DLG2: variants seen among roughly 807,000 people sequenced by gnomAD.
DLG2 encodes discs large MAGUK scaffold protein 2.
DLG2 carries 45 observed loss-of-function variants against 132.5 expected under a neutral mutation model. That is an observed-to-expected ratio of 0.34 (90% CI 0.27 to 0.44). DLG2 has a LOEUF of 0.44. Ranked by LOEUF, DLG2 falls within the 20% of genes least tolerant of loss-of-function variation. The pLI, the probability that DLG2 is intolerant of heterozygous loss-of-function variation, is 1.00. For missense variants in DLG2, 1,045 were observed against 1,196.9 expected (o/e 0.87, Z 1.87); for synonymous variants, 424 against 419.6 (o/e 1.01, Z -0.13).
chr11:84,660,707 A>G (rs1229098731), intron 6 of DLG2, among the ~76,000 whole-genome samples: 2 of 152,188 alleles, frequency 1.3e-5, no homozygotes, highest in Non-Finnish European at 2.9e-5. Flanking sequence ...TTCATATGAA[A>G]GCCATTTCAT....
chr11:84,632,697 T>C (rs916665748), intron 6 of DLG2, among the ~76,000 whole-genome samples: 1 of 152,208 alleles, frequency 6.6e-6, no homozygotes, highest in Non-Finnish European at 1.5e-5. Context: ...AAGCCATCCC[T>C]GAAGGTAAAT....
At chr11:84,071,237 G>A (rs2096751782) in intron 10 of DLG2, among the ~76,000 whole-genome samples, 1 of 151,874 alleles carries the variant, frequency 6.6e-6, no homozygotes, top group Non-Finnish European at 1.5e-5. Context: ...AACTACGAGT[G>A]CACACCATCA....
chr11:83,665,838 A>G (rs1339361773), intron 18 of DLG2, among the ~76,000 whole-genome samples: 3 of 152,072 alleles, frequency 2.0e-5, no homozygotes, highest in Non-Finnish European at 4.4e-5. Flanking sequence ...TAGGAGCATG[A>G]GATTGGAATT....
chr11:84,983,991 T>A (rs1238590257), intron 6 of DLG2, among the ~76,000 whole-genome samples: 1 of 152,176 alleles, frequency 6.6e-6, no homozygotes, highest in Non-Finnish European at 1.5e-5. Context: ...AGTCTAGGAT[T>A]ATGTTAAGTC....
At chr11:85,488,161 T>C (rs1324529256) in intron 3 of DLG2, among the ~76,000 whole-genome samples, 2 of 152,146 alleles carry the variant, frequency 1.3e-5, no homozygotes, top group Non-Finnish European at 2.9e-5. Context: ...GAGGCTGAAG[T>C]GGGCGGATCA....
chr11:84,962,208 A>T (rs1236719486), intron 6 of DLG2, among the ~76,000 whole-genome samples: 1 of 152,262 alleles, frequency 6.6e-6, no homozygotes, highest in Admixed American at 6.5e-5. Context: ...TCTCATAGAA[A>T]AGAAAACTGA....
intron 3 of DLG2, among the ~76,000 whole-genome samples, chr11:85,515,079 G>C (rs1263776065): frequency 6.6e-6 from 1 of 151,838 alleles, no homozygotes; most frequent in Non-Finnish European, 1.5e-5. Flanking sequence ...TGGATGGTAT[G>C]GCTGTAGTCA....
chr11:84,231,731 T>G (rs909604545), intron 8 of DLG2, among the ~76,000 whole-genome samples: 1 of 152,078 alleles, frequency 6.6e-6, no homozygotes, highest in Admixed American at 6.6e-5. Flanking sequence ...TTTCAGGTAG[T>G]TAAAAGATGG....
chr11:84,530,699 G>A (rs575908458), intron 7 of DLG2, among the ~76,000 whole-genome samples: 5 of 152,308 alleles, frequency 3.3e-5, no homozygotes, highest in African/African-American at 1.2e-4. Flanking sequence ...TTCAGCTATT[G>A]TGGAAAGCAG....
At chr11:84,036,354 G>A (rs533361126) in intron 11 of DLG2, among the ~76,000 whole-genome samples, 28 of 152,222 alleles carry the variant, frequency 1.8e-4, no homozygotes, top group African/African-American at 6.0e-4. Flanking sequence ...TCATGAAAAT[G>A]AAATGTTGTT....
intron 6 of DLG2, among the ~76,000 whole-genome samples, chr11:84,703,895 T>TACAC (rs2059500991): frequency 7.2e-6 from 1 of 139,668 alleles, no homozygotes; most frequent in African/African-American, 2.8e-5. Flanking sequence ...CACGTGTGTG[T>TACAC]GTGTGTGTGT....
chr11:83,571,550 CTA>C (rs1235316736), intron 19 of DLG2, among the ~76,000 whole-genome samples: 1 of 145,526 alleles, frequency 6.9e-6, no homozygotes, highest in African/African-American at 2.6e-5. Flanking sequence ...TAAATAATGA[CTA>C]TGCAAATAAA....
rs762434193 is a variant in DLG2 at position 84,098,989 on chromosome 11, T to C, written c.683A>G (p.Asp228Gly). The C allele has an allele frequency of 6.2e-7, 1 of 1,613,676 alleles. No homozygotes were observed. Among genetic ancestry groups the C allele is most frequent in the Non-Finnish European group, 8.5e-7 (1 of 1,179,746 alleles). ...AGGTDNPHIG[D>G]DPGIFITKII... ...CTTCGTAATAAATATGCCAGGGTCATCTCCAATGTGGGGATTATCTGTCCC... is the reference window on the plus strand; with the variant it reads ...CTTCGTAATAAATATGCCAGGGTCACCTCCAATGTGGGGATTATCTGTCCC... Residue 228 changes from aspartate to glycine, a missense_variant, in exon 10 of 28, where the codon GAT becomes GGT. By Grantham distance (94) the Asp-to-Gly change is moderately conservative. This residue lies in a region of DLG2 where 109 missense variants were observed against 159.1 expected (regional missense o/e 0.69). Coordinates refer to ENST00000376104, the MANE Select transcript of DLG2 (RefSeq NM_001142699.3).
At chr11:83,610,289 G>A (rs181638236) in intron 19 of DLG2, among the ~76,000 whole-genome samples, 82 of 152,284 alleles carry the variant, frequency 5.4e-4, no homozygotes, top group African/African-American at 1.8e-3. Context: ...GGAAATGGAA[G>A]TAATTGGCAC....
chr11:84,052,286 T>C (rs938056944), intron 11 of DLG2, among the ~76,000 whole-genome samples: 1 of 151,900 alleles, frequency 6.6e-6, no homozygotes, highest in Admixed American at 6.6e-5. Context: ...TAAATATATT[T>C]ACATATTATA....
chr11:85,596,966 C>T (rs1273918049), intron 3 of DLG2, among the ~76,000 whole-genome samples: 1 of 152,200 alleles, frequency 6.6e-6, no homozygotes, highest in African/African-American at 2.4e-5. Context: ...TTTTAACGAC[C>T]AGCTGAAGTA....
intron 6 of DLG2, among the ~76,000 whole-genome samples, chr11:84,862,071 G>T: frequency 6.6e-6 from 1 of 151,374 alleles, no homozygotes; most frequent in African/African-American, 2.4e-5. Flanking sequence ...AGCACTGGGA[G>T]ATATACCTAA....
intron 3 of DLG2, among the ~76,000 whole-genome samples, chr11:85,541,697 T>C (rs2075987332): frequency 6.6e-6 from 1 of 152,072 alleles, no homozygotes; most frequent in African/African-American, 2.4e-5. Flanking sequence ...TTCTAAGGAT[T>C]AAAATTTTGA....
At chr11:85,111,232 T>C (rs1170021467) in intron 6 of DLG2, among the ~76,000 whole-genome samples, 2 of 152,136 alleles carry the variant, frequency 1.3e-5, no homozygotes, top group Non-Finnish European at 2.9e-5. Context: ...GCAGAGACTA[T>C]TATTACACCA....
Sources: gnomAD v4.1 joint callset for allele counts (sites outside exome capture counted in the v4.1 genomes callset) on GRCh38, gnomAD v4.1.1 for gene constraint, gnomAD v4.1.1 regional missense constraint, MANE v1.5 for transcripts, NCBI Gene and HGNC (gene_info 2026-07-23, HGNC 2026-07-21) for gene names.